Variants in STXBP5L observed in about 807,000 individuals in gnomAD.
STXBP5L encodes syntaxin binding protein 5L, also known as syntaxin-binding protein 5-like.
A neutral mutation model predicts 144.5 loss-of-function variants in STXBP5L; 65 were observed. That is an observed-to-expected ratio of 0.45 (90% CI 0.37 to 0.55). The LOEUF is 0.55. Ranked by LOEUF, STXBP5L falls within the 20% of genes least tolerant of loss-of-function variation. STXBP5L has a pLI of 0.00. For synonymous variants in STXBP5L, 505 were observed against 469.6 expected (o/e 1.08, Z -0.97); for missense variants, 1,298 against 1,405.5 (o/e 0.92, Z 1.22).
chr3:120,974,014 G>T (rs1158847377), intron 3 of STXBP5L, among the ~76,000 whole-genome samples: 3 of 152,150 alleles, frequency 2.0e-5, no homozygotes, highest in Admixed American at 2.0e-4. Flanking sequence ...GTGTGCATGT[G>T]TCTTTATAGC....
At chr3:121,062,973 G>A (rs2041358275) in intron 5 of STXBP5L, among the ~76,000 whole-genome samples, 1 of 152,110 alleles carries the variant, frequency 6.6e-6, no homozygotes, top group Admixed American at 6.6e-5. Context: ...GCTTGGAGGA[G>A]TTTGTTATTA....
In STXBP5L at chr3:121,016,940, G is replaced by T. The variant is rs1945187265; in HGVS notation, c.288-24760G>T. Among the ~76,000 whole-genome samples, 5 of 152,134 alleles carry T rather than the reference G, an allele frequency of 3.3e-5. No homozygotes were observed. The South Asian group carries it at 8.3e-4, about 25-fold the overall frequency. On this transcript the variant is annotated intron_variant, in intron 3 of 26. Transcript: ENST00000471454. ...GAATATTTCCAGTTCATCCCTGGAG[G>T]ATTAGCATTACCCAAGTATCAAATC...
At chr3:121,195,002 G>A (rs567627362) in intron 9 of STXBP5L, among the ~76,000 whole-genome samples, 137 of 132,566 alleles carry the variant, frequency 1.0e-3, no homozygotes, top group Admixed American at 2.3e-3. Context: ...TGCAACCTCC[G>A]CCTCCTACGT....
chr3:120,952,882 T>TCA (rs1711360075), intron 2 of STXBP5L, among the ~76,000 whole-genome samples: 1 of 152,070 alleles, frequency 6.6e-6, no homozygotes, highest in African/African-American at 2.4e-5. Context: ...TACTGCAGCC[T>TCA]CAACCTCCCA....
chr3:121,161,497 A>G (rs892170996), intron 9 of STXBP5L, among the ~76,000 whole-genome samples: 6 of 151,698 alleles, frequency 4.0e-5, no homozygotes, highest in African/African-American at 1.5e-4. Context: ...TGACTACTTT[A>G]TGTCTAGGCT....
intron 3 of STXBP5L, among the ~76,000 whole-genome samples, chr3:121,025,974 G>C (rs1945904568): frequency 7.0e-6 from 1 of 142,204 alleles, no homozygotes; most frequent in Admixed American, 7.1e-5. Flanking sequence ...ATATATTAAT[G>C]TTAATAATAT....
At chr3:120,995,765 A>C (rs1470074294) in intron 3 of STXBP5L, among the ~76,000 whole-genome samples, 1 of 152,134 alleles carries the variant, frequency 6.6e-6, no homozygotes, top group African/African-American at 2.4e-5. Flanking sequence ...ATAACTGTGG[A>C]TTCAACAATC....
intron 20 of STXBP5L, among the ~76,000 whole-genome samples, chr3:121,344,147 G>A (rs1245237294): frequency 6.6e-6 from 1 of 152,038 alleles, no homozygotes; most frequent in Non-Finnish European, 1.5e-5. Flanking sequence ...AAGCAATGGG[G>A]AAAGGATTCC....
chr3:121,121,542 AT>A, intron 6 of STXBP5L, 98 bp from the exon 7 acceptor site: 1 of 834,386 alleles, frequency 1.2e-6, no homozygotes, highest in Non-Finnish European at 1.9e-6. Context: ...GAATGGTGGG[AT>A]TTTATTCCAG....
intron 10 of STXBP5L, among the ~76,000 whole-genome samples, chr3:121,214,874 A>G (rs1405068417): frequency 6.6e-6 from 1 of 152,144 alleles, no homozygotes; most frequent in Non-Finnish European, 1.5e-5. Flanking sequence ...AACTTACTTT[A>G]TGAATCTGGG....
At chr3:121,136,372 CAGTT>C (rs1036282975) in intron 7 of STXBP5L, among the ~76,000 whole-genome samples, 37 of 152,182 alleles carry the variant, frequency 2.4e-4, no homozygotes, top group African/African-American at 8.4e-4. Context: ...GCCCTGGTGT[CAGTT>C]AGGAACCCAT....
intron 19 of STXBP5L, among the ~76,000 whole-genome samples, chr3:121,316,431 C>T (rs1251379155): frequency 1.3e-5 from 2 of 152,168 alleles, no homozygotes; most frequent in South Asian, 4.1e-4. Context: ...TGATGAAACT[C>T]TTTCTAACAT....
intron 21 of STXBP5L, among the ~76,000 whole-genome samples, chr3:121,379,363 A>G (rs959279675): frequency 6.6e-6 from 1 of 152,100 alleles, no homozygotes; most frequent in Non-Finnish European, 1.5e-5. Context: ...TTGCTTATTT[A>G]TGGAATGAGT....
intron 18 of STXBP5L, among the ~76,000 whole-genome samples, chr3:121,274,729 G>C (rs1479563924): frequency 6.6e-6 from 1 of 152,184 alleles, no homozygotes; most frequent in Non-Finnish European, 1.5e-5. Context: ...GGCATATACA[G>C]ATTGCCTATA....
intron 5 of STXBP5L, among the ~76,000 whole-genome samples, chr3:121,107,084 A>G (rs994411916): frequency 1.2e-4 from 18 of 150,942 alleles, no homozygotes; most frequent in African/African-American, 4.1e-4. Flanking sequence ...TTTTTAATGG[A>G]TTCTTTGTTT....
At chr3:121,027,360 AG>A (rs1327607972) in intron 3 of STXBP5L, among the ~76,000 whole-genome samples, 2 of 152,108 alleles carry the variant, frequency 1.3e-5, no homozygotes, top group Non-Finnish European at 2.9e-5. Flanking sequence ...AGGAACTGAA[AG>A]GTTAACTTAA....
intron 20 of STXBP5L, among the ~76,000 whole-genome samples, chr3:121,355,336 A>G (rs1388256439): frequency 6.6e-6 from 1 of 152,008 alleles, no homozygotes; most frequent in Non-Finnish European, 1.5e-5. Flanking sequence ...ATCAAACTAG[A>G]TTTAGTCTTT....
chr3:121,109,617 T>A (rs149161258), intron 5 of STXBP5L, among the ~76,000 whole-genome samples: 4 of 152,314 alleles, frequency 2.6e-5, no homozygotes, highest in African/African-American at 9.6e-5. Flanking sequence ...TTGTATTTGC[T>A]GAGGAACGTT....
At chr3:120,946,805 A>C (rs1347763359) in intron 2 of STXBP5L, among the ~76,000 whole-genome samples, 1 of 151,768 alleles carries the variant, frequency 6.6e-6, no homozygotes, top group African/African-American at 2.4e-5. Context: ...GGTTCTGGTT[A>C]GATTCTGCCA....
Sources: allele counts gnomAD v4.1 joint callset (sites outside exome capture counted in the v4.1 genomes callset), GRCh38; gene constraint gnomAD v4.1.1; transcripts MANE v1.5; gene names NCBI Gene and HGNC (gene_info 2026-07-23, HGNC 2026-07-21).